SLC36A1: variants seen among roughly 807,000 people sequenced by gnomAD.
SLC36A1 encodes the protein solute carrier family 36 member 1, also known as proton-coupled amino acid transporter 1.
SLC36A1 carries 30 observed loss-of-function variants against 47.5 expected under a neutral mutation model. That is an observed-to-expected ratio of 0.63 (90% CI 0.47 to 0.86). The LOEUF (loss-of-function observed/expected upper bound fraction) is 0.86, where lower values mean the gene tolerates loss of function less well. SLC36A1 is among the 40% of genes least tolerant of loss of function. The probability of loss-of-function intolerance (pLI) is 0.00; values close to 1 mark genes in which losing one functional copy is unlikely to be tolerated. For missense variants in SLC36A1, 517 were observed against 606.0 expected, an observed-to-expected ratio of 0.85 and a Z score of 1.54; for synonymous variants, 255 against 249.7, an observed-to-expected ratio of 1.02 and a Z score of -0.20.
chr5:151,529,203 G>C, the SLC36A1 span: 1 of 1,614,072 alleles, frequency 6.2e-7, no homozygotes, highest in Non-Finnish European at 8.5e-7. Flanking sequence ...ACCCACAAGG[G>C]CATTCTCTAA....
chr5:151,510,281 T>G, the SLC36A1 span: 1 of 1,321,242 alleles, frequency 7.6e-7, no homozygotes, highest in East Asian at 2.3e-5. Flanking sequence ...TACCATTTAT[T>G]TATTTGGTTG....
chr5:151,551,718 C>G, the SLC36A1 span: 2 of 1,089,316 alleles, frequency 1.8e-6, no homozygotes, highest in South Asian at 1.7e-5. Flanking sequence ...TTCCACAGTA[C>G]AAGATCTGAG....
chr5:151,447,371 C>T (rs1484530051), upstream of SLC36A1, among the ~76,000 whole-genome samples: 1 of 152,238 alleles, frequency 6.6e-6, no homozygotes, highest in Non-Finnish European at 1.5e-5. Context: ...ACCCACAACT[C>T]AAGGGACAGT....
At chr5:151,380,638 G>T in the SLC36A1 span, 2 of 552,630 alleles carry the variant, frequency 3.6e-6, no homozygotes, top group Admixed American at 1.9e-5. Flanking sequence ...TGCAGTAGTG[G>T]CTCACATCGT....
the SLC36A1 span, chr5:151,545,131 T>G: frequency 8.7e-6 from 14 of 1,614,046 alleles, no homozygotes; most frequent in Admixed American, 2.0e-4. Flanking sequence ...GGAAAGGGTG[T>G]CATTCAAATG....
intron 7 of SLC36A1, among the ~76,000 whole-genome samples, chr5:151,473,430 A>G (rs1435707039): frequency 6.6e-6 from 1 of 152,090 alleles, no homozygotes; most frequent in African/African-American, 2.4e-5. Flanking sequence ...AAGCCCCAAC[A>G]TTTGAGTTTT....
chr5:151,498,433 A>AGG, the SLC36A1 span, among the ~76,000 whole-genome samples: 16 of 152,346 alleles, frequency 1.1e-4, no homozygotes, highest in East Asian at 1.7e-3. Context: ...AATCCAGTGA[A>AGG]GGAAAGTACT....
intron 1 of SLC36A1, 123 bp downstream of exon 1, chr5:151,447,936 C>T (rs1009685539): frequency 2.6e-5 from 4 of 152,276 alleles, no homozygotes; most frequent in African/African-American, 9.6e-5. Flanking sequence ...CCTTGTCCCT[C>T]GCGCTATCTC....
the SLC36A1 span, among the ~76,000 whole-genome samples, chr5:151,421,016 G>T: frequency 1.3e-4 from 20 of 151,040 alleles, no homozygotes; most frequent in African/African-American, 4.9e-4. Flanking sequence ...GACTACAGGC[G>T]CCCGCCACCA....
chr5:151,546,083 C>T, the SLC36A1 span: 1 of 1,614,012 alleles, frequency 6.2e-7, no homozygotes, highest in Non-Finnish European at 8.5e-7. Flanking sequence ...ATAGCAGAGA[C>T]AAGGAGGATT....
chr5:151,439,541 T>A (rs1752499373), intron 1 of SLC36A1, among the ~76,000 whole-genome samples: 1 of 151,396 alleles, frequency 6.6e-6, no homozygotes, highest in Non-Finnish European at 1.5e-5. Context: ...TAGGTCCAGC[T>A]ACTTGGGAGG....
At chr5:151,361,961 A>T in the SLC36A1 span, among the ~76,000 whole-genome samples, 2 of 151,930 alleles carry the variant, frequency 1.3e-5, no homozygotes, top group African/African-American at 4.8e-5. Context: ...AAGCTCCTTT[A>T]TACATTGTTT....
the SLC36A1 span, among the ~76,000 whole-genome samples, chr5:151,500,385 T>C: frequency 1.3e-5 from 2 of 152,212 alleles, no homozygotes; most frequent in Admixed American, 6.5e-5. Flanking sequence ...GTTGTTGTTT[T>C]GAGACGGAAT....
Position 151,463,656 on chromosome 5 carries a change from A to C in SLC36A1, c.234+13A>C. 1.2e-6 allele frequency: 2 copies of C among 1,609,218 alleles called. No individual in the cohort carries two copies. Among genetic ancestry groups the C allele is most frequent in the Non-Finnish European group, 1.7e-6 (2 of 1,175,504 alleles). ...TGCAGGCATCGTGGTAAGGGTCTGCATCAGTGGAGAGGAGTGGTGACAAAT... is the reference window on the plus strand; with the variant it reads ...TGCAGGCATCGTGGTAAGGGTCTGCCTCAGTGGAGAGGAGTGGTGACAAAT... On this transcript the variant is annotated intron_variant, in intron 3 of 10. Coordinates refer to ENST00000243389, the MANE Select transcript of SLC36A1 (RefSeq NM_078483.4).
At chr5:151,486,240 T>G (rs1283279911) in intron 10 of SLC36A1, among the ~76,000 whole-genome samples, 1 of 152,110 alleles carries the variant, frequency 6.6e-6, no homozygotes, top group Non-Finnish European at 1.5e-5. Context: ...CAGGCTCTTT[T>G]AAACAACAGC....
chr5:151,525,582 C>T, the SLC36A1 span, among the ~76,000 whole-genome samples: 2 of 152,180 alleles, frequency 1.3e-5, no homozygotes, highest in Non-Finnish European at 1.5e-5. Context: ...ATCTGTAAAG[C>T]GGGGTGGTAA....
chr5:151,525,955 G>C, the SLC36A1 span: 1 of 1,614,118 alleles, frequency 6.2e-7, no homozygotes. Flanking sequence ...GCTGCCAATG[G>C]GGGAGTTCTC....
downstream of SLC36A1, among the ~76,000 whole-genome samples, chr5:151,494,401 G>C (rs961182755): frequency 6.6e-6 from 1 of 152,126 alleles, no homozygotes; most frequent in African/African-American, 2.4e-5. Context: ...TCTCAATCAA[G>C]ATACAGAATG....
chr5:151,540,938 C>G, the SLC36A1 span, among the ~76,000 whole-genome samples: 1 of 152,246 alleles, frequency 6.6e-6, no homozygotes, highest in African/African-American at 2.4e-5. Context: ...TGTTATGAAG[C>G]TACTTCTACT....
Sources: allele counts gnomAD v4.1 joint callset (sites outside exome capture counted in the v4.1 genomes callset), GRCh38; gene constraint gnomAD v4.1.1; transcripts MANE v1.5; gene names NCBI Gene and HGNC (gene_info 2026-07-23, HGNC 2026-07-21).